The following TUBB2A variants were observed in gnomAD, a reference collection of about 807,000 sequenced individuals.
The protein encoded by TUBB2A is tubulin beta 2A class IIa.
Under a neutral mutation model 33.9 loss-of-function variants are expected in TUBB2A, and 7 were observed. The ratio of observed to expected loss-of-function variants is 0.21; its 90% CI spans 0.12 to 0.39. The LOEUF (loss-of-function observed/expected upper bound fraction) is 0.39. Among genes scored for constraint, TUBB2A ranks in the 10% least tolerant of loss-of-function variants. The probability of loss-of-function intolerance (pLI) is 1.00; values close to 1 mark genes in which losing one functional copy is unlikely to be tolerated. For synonymous variants in TUBB2A, 187 were observed against 247.6 expected (o/e 0.76, Z 2.30); for missense variants, 80 against 593.4 (o/e 0.13, Z 8.99).
chr6:3,157,190 C>T (rs1482678325), intron 1 of TUBB2A, among the ~76,000 whole-genome samples: 2 of 152,266 alleles, frequency 1.3e-5, no homozygotes, highest in Non-Finnish European at 2.9e-5. Context: ...AGGGCTGTGT[C>T]CCAGGGAAAT....
In TUBB2A at chr6:3,153,689, A is replaced by T; in HGVS notation, c.*174T>A. 9.8e-7 allele frequency: 1 copy of T among 1,015,948 alleles called. No individual in the cohort carries two copies. The highest frequency in any genetic ancestry group is 1.4e-6 in the Non-Finnish European group (1 of 707,362). 62.9% of individuals were successfully genotyped at this position (1,015,948 alleles called of 1,614,324 possible). ...GGTTTTCTACACATGCTTTTTTATT[A>T]GTATAGATACCTTCACAGACAATAC... On this transcript the variant is annotated 3_prime_UTR_variant, in exon 4 of 4. Coordinates refer to ENST00000333628, the MANE Select transcript of TUBB2A (RefSeq NM_001069.3).
rs1028203066 is a variant in TUBB2A at position 3,157,469 on chromosome 6, C to T, written c.-6G>A. 5 of 1,529,490 alleles carry T rather than the reference C, an allele frequency of 3.3e-6. No individual in the cohort carries two copies. The highest frequency in any genetic ancestry group is 2.6e-6 in the Non-Finnish European group (3 of 1,144,860). 94.7% of individuals were successfully genotyped at this position (1,529,490 alleles called of 1,614,324 possible). A position where few individuals can be genotyped will look rare whatever the true frequency, so the allele number is the denominator to read the frequency against. On this transcript the variant is annotated 5_prime_UTR_variant, in exon 1 of 4. Coordinates refer to ENST00000333628, the MANE Select transcript of TUBB2A (RefSeq NM_001069.3). Reference sequence around the variant, plus strand: ...ATGTGCACGATCTCGCGCATGGTGCCGGCTGCGGAGCGGGTGGCGCTGGCC... The same window carrying T: ...ATGTGCACGATCTCGCGCATGGTGCTGGCTGCGGAGCGGGTGGCGCTGGCC...
rs762314156 is a variant in TUBB2A, at chr6:3,153,869, C to T, written c.1332G>A (p.Glu444=). 2.2e-5 allele frequency: 35 copies of T among 1,614,014 alleles called. No homozygotes were observed. Among genetic ancestry groups the T allele is most frequent in the Non-Finnish European group, 3.0e-5 (35 of 1,179,992 alleles). Reference sequence around the variant, plus strand: ...CGATTGATCTGAGAAGTTTTTAAGCCTCGTCCTCGCCCTCCTCCTCCTCGA... The same window carrying T: ...CGATTGATCTGAGAAGTTTTTAAGCTTCGTCCTCGCCCTCCTCCTCCTCGA... The part of the protein sequence containing the change: ...GEFEEEEGED[E]A Residue 444 remains glutamate (E), a synonymous_variant, in exon 4 of 4, where the codon GAG becomes GAA. Transcript: ENST00000333628.
At chr6:3,156,997 C>T (rs571369175) in intron 1 of TUBB2A, among the ~76,000 whole-genome samples, 3 of 152,370 alleles carry the variant, frequency 2.0e-5, no homozygotes, top group African/African-American at 7.2e-5. Context: ...CTTGCCTGTA[C>T]GACCCAAAGG....
At chr6:3,157,351 GC>G in intron 1 of TUBB2A, 55 bp downstream of exon 1, 2 of 1,411,070 alleles carry the variant, frequency 1.4e-6, no homozygotes, top group South Asian at 1.4e-5. Flanking sequence ...CCCCGCCCCG[GC>G]CCCAGCCCGC....
At position 3,157,457 on chromosome 6, in the gene TUBB2A, C is replaced by T; in HGVS notation, c.7G>A (p.Glu3Lys). Residue 3 changes from glutamate to lysine, a missense_variant, in exon 1 of 4, where the codon GAG becomes AAG. By Grantham distance (56) the Glu-to-Lys change is moderately conservative. Transcript: ENST00000333628. The stretch of plus-strand genomic sequence containing the variant: ...TGGCCCGCCTGGATGTGCACGATCT[C>T]GCGCATGGTGCCGGCTGCGGAGCGG... MR[E>K]IVHIQAGQCG... 6.5e-7 allele frequency: 1 copy of T among 1,540,842 alleles called. No homozygotes were observed. The highest frequency in any genetic ancestry group is 2.7e-5 in the East Asian group (1 of 37,530).
At position 3,153,775 on chromosome 6, in the gene TUBB2A, A is replaced by G. The variant is rs1762585918; in HGVS notation, c.*88T>C. On this transcript the variant is annotated 3_prime_UTR_variant, in exon 4 of 4. Transcript: ENST00000333628. ...ACAGTGTGAATTTCTAACAGAGGCA[A>G]AACTGAGCACCATAGTTTACAAGTA... 1.3e-6 allele frequency: 2 copies of G among 1,578,348 alleles called. No individual in the cohort carries two copies. Among genetic ancestry groups the G allele is most frequent in the African/African-American group, 2.7e-5 (2 of 74,044 alleles).
rs1762618757 is a variant in TUBB2A at position 3,155,555 on chromosome 6, C to T, written c.277+70G>A. ...TCACCTTGGCACTGAACACTAAGAACTGTGCTTTGCAGGGCTGTTAGGAAG... is the reference window on the plus strand; with the variant it reads ...TCACCTTGGCACTGAACACTAAGAATTGTGCTTTGCAGGGCTGTTAGGAAG... On this transcript the variant is annotated intron_variant, in intron 3 of 3. Transcript: ENST00000333628. This position sits in a 1 kb window ranked among gnomAD's most constrained non-coding sequence, Gnocchi z 4.2. The T allele has an allele frequency of 7.9e-7, 1 of 1,260,178 alleles. No homozygotes were observed. Among genetic ancestry groups the T allele is most frequent in the Admixed American group, 1.9e-5 (1 of 52,740 alleles). The allele number at this position is 1,260,178 out of a possible 1,614,324, so 78.1% of individuals were successfully genotyped here. A position where few individuals can be genotyped will look rare whatever the true frequency, so the allele number is the denominator to read the frequency against.
Position 3,155,517 on chromosome 6 carries a change from C to T in TUBB2A, c.277+108G>A, listed in dbSNP as rs190497478. ...GAGCTAGGCCAGGACTCAGGGCTGC[C>T]GTGGACACAGTGTCACCTTGGCACT... On this transcript the variant is annotated intron_variant, in intron 3 of 3. Coordinates refer to ENST00000333628, the MANE Select transcript of TUBB2A (RefSeq NM_001069.3). This position sits in a 1 kb window ranked among gnomAD's most constrained non-coding sequence, Gnocchi z 4.2. 2.9e-4 allele frequency: 240 copies of T among 814,346 alleles called. 2 individuals are homozygous for T. The African/African-American group carries it at 3.7e-3, about 13-fold the overall frequency. The allele number at this position is 814,346 out of a possible 1,614,324, so 50.4% of individuals were successfully genotyped here.
chr6:3,157,122 C>G (rs931021660), intron 1 of TUBB2A, among the ~76,000 whole-genome samples: 1 of 152,246 alleles, frequency 6.6e-6, no homozygotes. Context: ...TGACCGTACC[C>G]CCGACCCAAG....
At position 3,153,844 on chromosome 6, in the gene TUBB2A, CGATT is replaced by C. The variant is rs760987108; in HGVS notation, c.*15_*18del. The C allele has an allele frequency of 6.2e-7, 1 of 1,613,864 alleles. No homozygotes were observed. Among genetic ancestry groups the C allele is most frequent in the Non-Finnish European group, 8.5e-7 (1 of 1,179,738 alleles). The stretch of plus-strand genomic sequence containing the variant: ...ACAACAGAAGTTCACTAAGGATGCA[CGATT>C]GATCTGAGAAGTTTTTAAGCCTCGT... On this transcript the variant is annotated 3_prime_UTR_variant, in exon 4 of 4. Coordinates refer to ENST00000333628, the MANE Select transcript of TUBB2A (RefSeq NM_001069.3).
At position 3,154,933 on chromosome 6, in the gene TUBB2A, G is replaced by T. The variant is rs776027116; in HGVS notation, c.278-10C>A. ...CCGGCTCCACTCTGGCCTGCCAGAG[G>T]GAAAGTGAACATTAGACACTAAAAC... On this transcript the variant is annotated splice_polypyrimidine_tract_variant and intron_variant, in intron 3 of 3. Coordinates refer to ENST00000333628, the MANE Select transcript of TUBB2A (RefSeq NM_001069.3). 6.2e-7 allele frequency: 1 copy of T among 1,613,796 alleles called. No individual in the cohort carries two copies. The highest frequency in any genetic ancestry group is 8.5e-7 in the Non-Finnish European group (1 of 1,179,984).
chr6:3,155,494 G>A lies in TUBB2A; in HGVS notation c.277+131C>T. ...CATGACCACCCATGGACTGCATGGA[G>A]CTAGGCCAGGACTCAGGGCTGCCGT... On this transcript the variant is annotated intron_variant, in intron 3 of 3. Coordinates refer to ENST00000333628, the MANE Select transcript of TUBB2A (RefSeq NM_001069.3). This position sits in a 1 kb window ranked among gnomAD's most constrained non-coding sequence, Gnocchi z 4.2. 3.2e-6 allele frequency: 2 copies of A among 631,072 alleles called. No homozygotes were observed. The highest frequency in any genetic ancestry group is 5.4e-6 in the Non-Finnish European group (2 of 373,314). 39.1% of individuals were successfully genotyped at this position (631,072 alleles called of 1,614,324 possible).
Position 3,155,517 on chromosome 6 carries a change from C to G in TUBB2A, c.277+108G>C. The G allele has an allele frequency of 2.5e-6, 2 of 814,346 alleles. No individual in the cohort carries two copies. Among genetic ancestry groups the G allele is most frequent in the South Asian group, 3.6e-5 (2 of 55,942 alleles). 50.4% of individuals were successfully genotyped at this position (814,346 alleles called of 1,614,324 possible). A position where few individuals can be genotyped will look rare whatever the true frequency, so the allele number is the denominator to read the frequency against. On this transcript the variant is annotated intron_variant, in intron 3 of 3. Transcript: ENST00000333628. The surrounding 1 kb of genome is among the most constrained non-coding windows in gnomAD (Gnocchi z 4.2). Reference sequence around the variant, plus strand: ...GAGCTAGGCCAGGACTCAGGGCTGCCGTGGACACAGTGTCACCTTGGCACT... The same window carrying G: ...GAGCTAGGCCAGGACTCAGGGCTGCGGTGGACACAGTGTCACCTTGGCACT...
chr6:3,154,934 G>A lies in TUBB2A; in HGVS notation c.278-11C>T. 1 of 1,614,002 alleles carries A rather than the reference G, an allele frequency of 6.2e-7. No homozygotes were observed. Among genetic ancestry groups the A allele is most frequent in the South Asian group, 1.1e-5 (1 of 91,072 alleles). The stretch of plus-strand genomic sequence containing the variant: ...CGGCTCCACTCTGGCCTGCCAGAGG[G>A]AAAGTGAACATTAGACACTAAAACA... On this transcript the variant is annotated splice_polypyrimidine_tract_variant and intron_variant, in intron 3 of 3. Coordinates refer to ENST00000333628, the MANE Select transcript of TUBB2A (RefSeq NM_001069.3).
rs567419705 is a variant in TUBB2A, at chr6:3,157,125, G to A, written c.57+282C>T. 2.7e-3 allele frequency among the ~76,000 whole-genome samples: 405 copies of A among 152,340 alleles called. 1 individual carries two copies. Among genetic ancestry groups the A allele is most frequent in the African/African-American group, 9.0e-3 (375 of 41,582 alleles). ...GCGCAATAAATATGACCGTACCCCC[G>A]ACCCAAGTTTCTGAGACAAATACAC... On this transcript the variant is annotated intron_variant, in intron 1 of 3. Coordinates refer to ENST00000333628, the MANE Select transcript of TUBB2A (RefSeq NM_001069.3).
rs1356354761 is a variant in TUBB2A, at chr6:3,154,340, G to C, written c.861C>G (p.Pro287=). ...GSQQYRALTV[P]ELTQQMFDSK... ...AGTCGAACATCTGCTGGGTGAGCTC[G>C]GGCACCGTGAGCGCCCGGTACTGCT... The change falls in exon 4 of 4, where the codon CCC becomes CCG. Residue 287 remains proline (P), a synonymous_variant. Transcript: ENST00000333628. 4.6e-5 allele frequency: 52 copies of C among 1,124,594 alleles called. No individual in the cohort carries two copies. The highest frequency in any genetic ancestry group is 6.2e-5 in the Non-Finnish European group (50 of 808,752). The allele number at this position is 1,124,594 out of a possible 1,614,324, so 69.7% of individuals were successfully genotyped here. A position where few individuals can be genotyped will look rare whatever the true frequency, so the allele number is the denominator to read the frequency against.
chr6:3,157,206 G>A (rs1019476407), intron 1 of TUBB2A, among the ~76,000 whole-genome samples: 1 of 152,230 alleles, frequency 6.6e-6, no homozygotes, highest in South Asian at 2.1e-4. Context: ...GAAATCGAAA[G>A]GCCCCCGATT....
rs756141916 is a variant in TUBB2A at position 3,153,908 on chromosome 6, G to C, written c.1293C>G (p.Asp431Glu). The C allele has an allele frequency of 6.2e-6, 10 of 1,613,448 alleles. 1 individual carries two copies. The South Asian group carries it at 1.1e-4, about 18-fold the overall frequency. The change falls in exon 4 of 4, where the codon GAC becomes GAG. Residue 431 changes from aspartate to glutamate, a missense_variant. Transcript: ENST00000333628. ...CCTCCTCCTCGAACTCCCCTTGTTCGTCGGCCGTGGCGTCCTGGTACTGCT... is the reference window on the plus strand; with the variant it reads ...CCTCCTCCTCGAACTCCCCTTGTTCCTCGGCCGTGGCGTCCTGGTACTGCT... Reference protein sequence around the residue: ...EYQQYQDATADEQGEFEEEEG... With the variant: ...EYQQYQDATAEEQGEFEEEEG...
Sources: allele counts gnomAD v4.1 joint callset (sites outside exome capture counted in the v4.1 genomes callset), GRCh38; gene constraint gnomAD v4.1.1; non-coding constraint Gnocchi (gnomAD v3.1); transcripts MANE v1.5; gene names NCBI Gene and HGNC (gene_info 2026-07-23, HGNC 2026-07-21).